ADGRF5: variants seen among roughly 807,000 people sequenced by gnomAD.
ADGRF5 encodes G-protein coupled receptor 116.
A neutral mutation model predicts 132.3 loss-of-function variants in ADGRF5; 75 were observed. That is an observed-to-expected ratio of 0.57 (90% CI 0.47 to 0.69). ADGRF5 has a LOEUF of 0.69. ADGRF5 is among the 30% of genes least tolerant of loss of function. ADGRF5 has a pLI of 0.00. For synonymous variants in ADGRF5, 629 were observed against 597.6 expected, an observed-to-expected ratio of 1.05 and a Z score of -0.77; for missense variants, 1,516 against 1,630.6, an observed-to-expected ratio of 0.93 and a Z score of 1.21.
intron 6 of ADGRF5, among the ~76,000 whole-genome samples, chr6:46,882,574 T>A (rs1477711732): frequency 6.6e-6 from 1 of 152,212 alleles, no homozygotes; most frequent in Non-Finnish European, 1.5e-5. Flanking sequence ...CTGCAGCCCT[T>A]GCTCCATTAC....
chr6:46,951,604 G>A (rs1778501209), intron 1 of ADGRF5, among the ~76,000 whole-genome samples: 1 of 152,204 alleles, frequency 6.6e-6, no homozygotes, highest in South Asian at 2.1e-4. Flanking sequence ...GTCAGGAACT[G>A]GCTATATGTC....
At chr6:46,879,481 C>G (rs2150832838) in intron 9 of ADGRF5, among the ~76,000 whole-genome samples, 1 of 152,234 alleles carries the variant, frequency 6.6e-6, no homozygotes, top group Non-Finnish European at 1.5e-5. Context: ...CCCAGACCCT[C>G]TCTCCCTCTC....
At chr6:46,892,997 C>T (rs1773805495) in intron 3 of ADGRF5, among the ~76,000 whole-genome samples, 1 of 144,604 alleles carries the variant, frequency 6.9e-6, no homozygotes, top group Admixed American at 7.0e-5. Context: ...ATACTGGAGG[C>T]AAAAGATAAG....
chr6:46,891,217 G>T (rs1773609833), intron 3 of ADGRF5, among the ~76,000 whole-genome samples: 2 of 152,220 alleles, frequency 1.3e-5, no homozygotes, highest in Non-Finnish European at 2.9e-5. Context: ...TGTGATGATA[G>T]TATGGCATTG....
intron 1 of ADGRF5, among the ~76,000 whole-genome samples, chr6:46,941,699 TC>T (rs1312300240): frequency 2.0e-5 from 3 of 151,814 alleles, no homozygotes; most frequent in African/African-American, 7.3e-5. Context: ...CTATTGATGG[TC>T]CCCAGGCCTG....
chr6:46,928,553 T>C (rs1231279435), intron 1 of ADGRF5, among the ~76,000 whole-genome samples: 1 of 152,136 alleles, frequency 6.6e-6, no homozygotes, highest in Admixed American at 6.6e-5. Context: ...CTGACCTCTC[T>C]TCCCTTCTTC....
In ADGRF5 at chr6:46,884,221, C is replaced by T; in HGVS notation, c.379G>A (p.Gly127Arg). ...EIWCSCETGYGWPRERCLHNL... is the reference protein window; with the variant it reads ...EIWCSCETGYRWPRERCLHNL... ...TGAAGACACCTTTCCCGAGGCCACC[C>T]ATAACCTGTCTCGCAGGAGCACCAG... The change falls in exon 5 of 21, where the codon GGG becomes AGG. Residue 127 changes from glycine to arginine, a missense_variant. Gly to Arg is a moderately radical substitution (Grantham distance 125). Transcript: ENST00000283296. 1 of 1,614,064 alleles carries T rather than the reference C, an allele frequency of 6.2e-7. No homozygotes were observed.
intron 10 of ADGRF5, among the ~76,000 whole-genome samples, chr6:46,872,967 G>A (rs79316195): frequency 1.3e-5 from 2 of 152,122 alleles, no homozygotes; most frequent in Admixed American, 6.6e-5. Context: ...ACCCCAGAAA[G>A]GTTGTTTGAA....
chr6:46,890,671 C>T (rs1245854262), intron 3 of ADGRF5, among the ~76,000 whole-genome samples: 3 of 151,852 alleles, frequency 2.0e-5, no homozygotes, highest in South Asian at 2.1e-4. Flanking sequence ...GAGCTGATAT[C>T]GTGCCACTGC....
At chr6:46,949,850 C>G (rs1778431958) in intron 1 of ADGRF5, among the ~76,000 whole-genome samples, 1 of 152,100 alleles carries the variant, frequency 6.6e-6, no homozygotes, top group Non-Finnish European at 1.5e-5. Flanking sequence ...AAGAGTAACC[C>G]AAGAAGAGTG....
chr6:46,941,311 CAG>C (rs1778036081), intron 1 of ADGRF5, among the ~76,000 whole-genome samples: 1 of 149,792 alleles, frequency 6.7e-6, no homozygotes, highest in African/African-American at 2.5e-5. Flanking sequence ...ACCTGGGTGA[CAG>C]AGAGAAACCT....
At chr6:46,864,629 A>T (rs1302265535) in intron 14 of ADGRF5, among the ~76,000 whole-genome samples, 1 of 150,720 alleles carries the variant, frequency 6.6e-6, no homozygotes, top group Non-Finnish European at 1.5e-5. Context: ...GGTTCAAGCG[A>T]TTCTTCCGCC....
At chr6:46,905,992 TCCCAACCAGTAACATG>T (rs1431320617) in intron 2 of ADGRF5, among the ~76,000 whole-genome samples, 1 of 152,174 alleles carries the variant, frequency 6.6e-6, no homozygotes, top group Non-Finnish European at 1.5e-5. Context: ...CTTCAAAGAT[TCCCAACCAGTAACATG>T]CCCTGTCTCT....
chr6:46,921,545 T>C (rs1233811356), intron 1 of ADGRF5, among the ~76,000 whole-genome samples, 168 bp downstream of exon 1: 2 of 152,186 alleles, frequency 1.3e-5, no homozygotes, highest in African/African-American at 2.4e-5. Context: ...TGCTCTTGAC[T>C]GGACATACTT....
rs375497510 is a variant in ADGRF5, at chr6:46,897,779, C to T, written c.157+2250G>A. ...CAGACTGGTCTCGAACTCCTGACCT[C>T]GTGATCTGCCCACCTTGGCCTCCCA... On this transcript the variant is annotated intron_variant, in intron 3 of 20. Coordinates refer to ENST00000283296, the MANE Select transcript of ADGRF5 (RefSeq NM_001098518.2). Among the ~76,000 whole-genome samples, 506 of 152,290 alleles carry T rather than the reference C, an allele frequency of 3.3e-3. 4 individuals are homozygous for T. Among genetic ancestry groups the T allele is most frequent in the Middle Eastern group, 0.02 (6 of 294 alleles).
At position 46,860,971 on chromosome 6, in the gene ADGRF5, C is replaced by T. The variant is rs1320897696; in HGVS notation, c.2200-77G>A. 1.2e-5 allele frequency: 13 copies of T among 1,087,344 alleles called. No individual in the cohort carries two copies. In the Admixed American group the frequency reaches 2.4e-4, roughly 20 times the overall value. The allele number at this position is 1,087,344 out of a possible 1,614,324, so 67.4% of individuals were successfully genotyped here. A position where few individuals can be genotyped will look rare whatever the true frequency, so the allele number is the denominator to read the frequency against. ...TCGAATCCAGCTGATCCATTCCTGGCAAAATCTCTCACATCCGTTGTTTCC... is the reference window on the plus strand; with the variant it reads ...TCGAATCCAGCTGATCCATTCCTGGTAAAATCTCTCACATCCGTTGTTTCC... On this transcript the variant is annotated intron_variant, in intron 15 of 20. Transcript: ENST00000283296.
intron 13 of ADGRF5, among the ~76,000 whole-genome samples, chr6:46,866,003 AG>A (rs561172036): frequency 0.016 from 216 of 13,492 alleles, 1 homozygote; most frequent in African/African-American, 0.034. Flanking sequence ...CTGTGTTTTG[AG>A]ATTTTTGGGT....
chr6:46,863,356 C>G, intron 14 of ADGRF5: 1 of 548,890 alleles, frequency 1.8e-6, no homozygotes, highest in Non-Finnish European at 3.5e-6. Flanking sequence ...AGATTCTCAA[C>G]TGTGACATAT....
intron 10 of ADGRF5, 31 bp from the exon 11 acceptor site, chr6:46,872,044 A>T: frequency 6.5e-7 from 1 of 1,534,538 alleles, no homozygotes; most frequent in South Asian, 1.2e-5. Context: ...TTGCCATCCC[A>T]GCTGGCTAAC....
Sources: allele counts gnomAD v4.1 joint callset (sites outside exome capture counted in the v4.1 genomes callset), GRCh38; gene constraint gnomAD v4.1.1; transcripts MANE v1.5; gene names NCBI Gene and HGNC (gene_info 2026-07-23, HGNC 2026-07-21).